The following DNAH8 variants were observed in gnomAD, a reference collection of about 807,000 sequenced individuals.
DNAH8 encodes dynein axonemal heavy chain 8, also known as axonemal beta dynein heavy chain 8.
In DNAH8, 382 loss-of-function variants were observed where a neutral mutation model predicts 562.1. The ratio of observed to expected loss-of-function variants is 0.68; its 90% CI spans 0.63 to 0.74. DNAH8 has a LOEUF of 0.74. DNAH8 is among the 30% of genes least tolerant of loss of function. The probability of loss-of-function intolerance (pLI) is 0.00; values close to 1 mark genes in which losing one functional copy is unlikely to be tolerated. For missense variants in DNAH8, 5,203 were observed against 5,620.4 expected (o/e 0.93, Z 2.37); for synonymous variants, 1,881 against 1,919.4 (o/e 0.98, Z 0.52).
chr6:38,775,138 G>A (rs1269912637), intron 12 of DNAH8, among the ~76,000 whole-genome samples: 2 of 152,172 alleles, frequency 1.3e-5, no homozygotes, highest in African/African-American at 4.8e-5. Context: ...AGTCAAAATG[G>A]GGAAGCGTAA....
chr6:38,968,019 AG>A (rs1763085166), intron 82 of DNAH8, among the ~76,000 whole-genome samples: 1 of 152,178 alleles, frequency 6.6e-6, no homozygotes, highest in Non-Finnish European at 1.5e-5. Context: ...GTTCTCAACA[AG>A]GGTTCTAAGA....
At chr6:38,719,405 C>A (rs1477186288) in intron 1 of DNAH8, among the ~76,000 whole-genome samples, 3 of 151,992 alleles carry the variant, frequency 2.0e-5, no homozygotes, top group African/African-American at 7.3e-5. Flanking sequence ...CTTCTTGTAC[C>A]CCCAGTGTCT....
At chr6:38,761,188 C>G (rs1328569578) in intron 10 of DNAH8, among the ~76,000 whole-genome samples, 1 of 149,628 alleles carries the variant, frequency 6.7e-6, no homozygotes, top group African/African-American at 2.4e-5. Context: ...TATACATGTG[C>G]CATGTTGGTG....
intron 53 of DNAH8, 104 bp from the exon 54 acceptor site, chr6:38,882,802 ATGTT>A: frequency 1.4e-6 from 1 of 696,130 alleles, no homozygotes; most frequent in Non-Finnish European, 2.2e-6. Context: ...AACATTTTGA[ATGTT>A]TATACGATTC....
chr6:38,760,292 C>T (rs1314625827), intron 10 of DNAH8, among the ~76,000 whole-genome samples: 1 of 152,144 alleles, frequency 6.6e-6, no homozygotes, highest in Non-Finnish European at 1.5e-5. Flanking sequence ...ACATCATTGT[C>T]TCCTGGGAAG....
chr6:38,830,880 T>A (rs1053558521), intron 30 of DNAH8, among the ~76,000 whole-genome samples: 1 of 152,186 alleles, frequency 6.6e-6, no homozygotes, highest in Non-Finnish European at 1.5e-5. Context: ...TTAATAACAT[T>A]TGTTTCTCAA....
At chr6:39,004,586 C>T (rs1196928707) in intron 88 of DNAH8, among the ~76,000 whole-genome samples, 1 of 152,176 alleles carries the variant, frequency 6.6e-6, no homozygotes, top group Non-Finnish European at 1.5e-5. Flanking sequence ...TAAATTATCT[C>T]ATTTCAAGTG....
chr6:38,870,709 A>T (rs372389958), intron 49 of DNAH8, 147 bp downstream of exon 49: 1 of 838,844 alleles, frequency 1.2e-6, no homozygotes, highest in South Asian at 1.8e-5. Flanking sequence ...GAATACTTGG[A>T]AGGATGTGGT....
chr6:38,756,216 A>G (rs1226084753), intron 10 of DNAH8, 137 bp downstream of exon 10: 14 of 660,446 alleles, frequency 2.1e-5, no homozygotes, highest in Admixed American at 5.4e-5. Context: ...AAGAAGAGAA[A>G]GGCGTTGACT....
intron 1 of DNAH8, among the ~76,000 whole-genome samples, chr6:38,716,116 G>A (rs894502604): frequency 6.0e-5 from 9 of 149,662 alleles, no homozygotes; most frequent in African/African-American, 2.2e-4. Flanking sequence ...CCGCCATCAC[G>A]CCCGGCTAAT....
intron 35 of DNAH8, among the ~76,000 whole-genome samples, chr6:38,843,733 T>C (rs2150374194): frequency 6.6e-6 from 1 of 152,346 alleles, no homozygotes; most frequent in South Asian, 2.1e-4. Flanking sequence ...CCTCTGAGCC[T>C]TAGATTTTTT....
At chr6:39,020,120 G>A (rs984371338) in intron 91 of DNAH8, among the ~76,000 whole-genome samples, 2 of 152,140 alleles carry the variant, frequency 1.3e-5, no homozygotes, top group Admixed American at 6.5e-5. Flanking sequence ...TTTTAAATGG[G>A]TTTAGCTGAT....
At position 38,775,709 on chromosome 6, in the gene DNAH8, C is replaced by A. The variant is rs376223460; in HGVS notation, c.1765-45C>A. On this transcript the variant is annotated intron_variant, in intron 12 of 92. Transcript: ENST00000327475. ...TAAGAGCTTATTTTAGGGAAGTTGCCTGCTATCTCATTTAAAAAAGCAAAA... is the reference window on the plus strand; with the variant it reads ...TAAGAGCTTATTTTAGGGAAGTTGCATGCTATCTCATTTAAAAAAGCAAAA... 5.4e-5 allele frequency: 66 copies of A among 1,219,778 alleles called. No homozygotes were observed. The African/African-American group carries it at 7.4e-4, about 14-fold the overall frequency. 75.6% of individuals were successfully genotyped at this position (1,219,778 alleles called of 1,614,324 possible).
chr6:38,895,291 C>G (rs1475558800), intron 59 of DNAH8, among the ~76,000 whole-genome samples: 1 of 152,128 alleles, frequency 6.6e-6, no homozygotes, highest in African/African-American at 2.4e-5. Context: ...GCATTGTCAT[C>G]ATTTGCTGTG....
chr6:38,876,792 G>T (rs1009891100), intron 53 of DNAH8, among the ~76,000 whole-genome samples: 1 of 152,218 alleles, frequency 6.6e-6, no homozygotes, highest in Non-Finnish European at 1.5e-5. Flanking sequence ...TGTTTGAATC[G>T]TGTAAAATAG....
rs777651701 is a variant in DNAH8, at chr6:38,875,745, G to A, written c.7775G>A (p.Arg2592Gln). The change falls in exon 53 of 93, where the codon CGG (arginine) becomes CAG (glutamine). Residue 2592 changes from arginine (R) to glutamine (Q), a missense_variant. Arg to Gln is a conservative substitution (Grantham distance 43, BLOSUM62 1). Transcript: ENST00000327475. Reference sequence around the variant, plus strand: ...AGAGAAAAGCTTGAAGCCTTCTTACGGCAGCATGAAAGCAAGTTGGACTTA... The same window carrying A: ...AGAGAAAAGCTTGAAGCCTTCTTACAGCAGCATGAAAGCAAGTTGGACTTA... ...ESREKLEAFLRQHESKLDLPE... is the reference protein window; with the variant it reads ...ESREKLEAFLQQHESKLDLPE... 34 of 1,613,760 alleles carry A rather than the reference G, an allele frequency of 2.1e-5. No individual in the cohort carries two copies. Among genetic ancestry groups the A allele is most frequent in the Non-Finnish European group, 2.5e-5 (29 of 1,179,938 alleles).
intron 82 of DNAH8, among the ~76,000 whole-genome samples, chr6:38,951,914 G>A (rs191295959): frequency 1.3e-5 from 2 of 152,300 alleles, no homozygotes; most frequent in Admixed American, 1.3e-4. Flanking sequence ...TTATTGTAAT[G>A]CATAGTAGTT....
intron 83 of DNAH8, 115 bp downstream of exon 83, chr6:38,971,780 C>G: frequency 1.4e-6 from 1 of 708,524 alleles, no homozygotes; most frequent in Non-Finnish European, 2.2e-6. Flanking sequence ...TTTTGTTTAT[C>G]ATTACCTGTG....
rs751416722 is a variant in DNAH8, at chr6:38,917,299, A to G, written c.10201A>G (p.Met3401Val). 6.2e-7 allele frequency: 1 copy of G among 1,613,578 alleles called. No homozygotes were observed. Among genetic ancestry groups the G allele is most frequent in the Non-Finnish European group, 8.5e-7 (1 of 1,179,652 alleles). The change falls in exon 69 of 93, where the codon ATG becomes GTG. Residue 3401 changes from methionine (M) to valine (V), a missense_variant. Met to Val is a conservative substitution (Grantham distance 21, BLOSUM62 1). Around this residue, in one of 6 missense-constraint regions of DNAH8, gnomAD observed 87 missense variants for 144.9 expected, o/e 0.60. Transcript: ENST00000327475. ...ACTTGCAAAACCACCACATCTTATT[A>G]TGAGAATCATGGACTGTGTTCTGTT... The part of the protein sequence containing the change: ...RKLAKPPHLI[M>V]RIMDCVLLLF...
Sources: allele counts gnomAD v4.1 joint callset (sites outside exome capture counted in the v4.1 genomes callset), GRCh38; gene constraint gnomAD v4.1.1; regional missense constraint gnomAD v4.1.1; transcripts MANE v1.5; gene names NCBI Gene and HGNC (gene_info 2026-07-23, HGNC 2026-07-21).